CAMK2B: variants seen among roughly 807,000 people sequenced by gnomAD.
The protein encoded by CAMK2B is calcium/calmodulin-dependent protein kinase type II subunit beta.
Under a neutral mutation model 93.7 loss-of-function variants are expected in CAMK2B, and 27 were observed. The ratio of observed to expected loss-of-function variants is 0.29; its 90% CI spans 0.21 to 0.40. The LOEUF (loss-of-function observed/expected upper bound fraction) is 0.40. Ranked by LOEUF, CAMK2B falls within the 10% of genes least tolerant of loss-of-function variation. The pLI, the probability that CAMK2B is intolerant of heterozygous loss-of-function variation, is 1.00. For synonymous variants in CAMK2B, 374 were observed against 358.8 expected (o/e 1.04, Z -0.48); for missense variants, 568 against 895.8 (o/e 0.63, Z 4.67).
intron 2 of CAMK2B, among the ~76,000 whole-genome samples, chr7:44,274,688 C>T (rs2097015017): frequency 6.6e-6 from 1 of 152,268 alleles, no homozygotes; most frequent in Non-Finnish European, 1.5e-5. Context: ...AAGCAGGAGG[C>T]CTGCCCTTGC....
intron 2 of CAMK2B, among the ~76,000 whole-genome samples, chr7:44,283,329 A>C (rs562438326): frequency 6.6e-6 from 1 of 152,078 alleles, no homozygotes; most frequent in South Asian, 2.1e-4. Flanking sequence ...CCACAAGGGC[A>C]GGGAGACCCC....
intron 15 of CAMK2B, among the ~76,000 whole-genome samples, chr7:44,233,431 C>T (rs1356907732): frequency 1.3e-5 from 2 of 152,094 alleles, no homozygotes; most frequent in Non-Finnish European, 2.9e-5. Flanking sequence ...CTCCCAGGAC[C>T]GCTCTCCTCT....
At chr7:44,292,385 G>A (rs1337194774) in intron 1 of CAMK2B, among the ~76,000 whole-genome samples, 1 of 152,192 alleles carries the variant, frequency 6.6e-6, no homozygotes, top group Admixed American at 6.5e-5. Flanking sequence ...ATGAATTCTG[G>A]GGGATGCAGT....
intron 4 of CAMK2B, among the ~76,000 whole-genome samples, chr7:44,255,208 T>G (rs192742050): frequency 2.6e-5 from 4 of 152,266 alleles, no homozygotes; most frequent in Non-Finnish European, 4.4e-5. Flanking sequence ...AGAACAGAGA[T>G]GACAGGCAGA....
chr7:44,223,975 G>A (rs895605914), intron 20 of CAMK2B, among the ~76,000 whole-genome samples: 1 of 152,234 alleles, frequency 6.6e-6, no homozygotes, highest in African/African-American at 2.4e-5. Context: ...TTTCCAGTCT[G>A]CTTTGGTTCT....
intron 12 of CAMK2B, among the ~76,000 whole-genome samples, chr7:44,240,215 C>A (rs1160797834): frequency 3.9e-5 from 6 of 152,182 alleles, no homozygotes; most frequent in Non-Finnish European, 7.3e-5. Context: ...ACCCCCCTGC[C>A]AAGAGAACTT....
chr7:44,232,675 G>A (rs1468418727), intron 16 of CAMK2B, 147 bp downstream of exon 16: 2 of 759,016 alleles, frequency 2.6e-6, no homozygotes, highest in Non-Finnish European at 4.5e-6. Flanking sequence ...CCACGAAGAC[G>A]GACTGGGGCC....
intron 2 of CAMK2B, among the ~76,000 whole-genome samples, chr7:44,269,118 C>T (rs1273560815): frequency 6.6e-6 from 1 of 152,204 alleles, no homozygotes; most frequent in African/African-American, 2.4e-5. Flanking sequence ...GACATTCACA[C>T]CAACCCTGCT....
Position 44,281,972 on chromosome 7 carries a change from G to A in CAMK2B, c.160+2159C>T, listed in dbSNP as rs187759524. ...CCTCTCATTCTCCCAGCTCATCCTG[G>A]GCTGGTCCCAGCCTAACTGCCGGAG... On this transcript the variant is annotated intron_variant, in intron 2 of 23. Coordinates refer to ENST00000395749, the MANE Select transcript of CAMK2B (RefSeq NM_001220.5). Among the ~76,000 whole-genome samples, 7 of 152,272 alleles carry A rather than the reference G, an allele frequency of 4.6e-5. No individual in the cohort carries two copies. The East Asian group carries it at 1.4e-3, about 29-fold the overall frequency.
chr7:44,288,879 G>GCGAGGAGA (rs1427920492), intron 1 of CAMK2B, among the ~76,000 whole-genome samples: 2 of 152,160 alleles, frequency 1.3e-5, no homozygotes, highest in Non-Finnish European at 2.9e-5. Flanking sequence ...AAGGCCACCT[G>GCGAGGAGA]CGAGGAGAGG....
chr7:44,309,026 G>A (rs1792734558), intron 1 of CAMK2B, among the ~76,000 whole-genome samples: 1 of 152,234 alleles, frequency 6.6e-6, no homozygotes, highest in African/African-American at 2.4e-5. Context: ...GGTCTGGCTA[G>A]GCTGAAACGG....
chr7:44,291,305 C>A (rs933813670), intron 1 of CAMK2B, among the ~76,000 whole-genome samples: 2 of 152,186 alleles, frequency 1.3e-5, no homozygotes, highest in African/African-American at 2.4e-5. Flanking sequence ...CAGGCAGGAG[C>A]TGGAGTCCCC....
intron 3 of CAMK2B, among the ~76,000 whole-genome samples, chr7:44,260,301 A>G (rs917992304): frequency 2.6e-5 from 4 of 152,106 alleles, no homozygotes; most frequent in African/African-American, 9.7e-5. Flanking sequence ...GCCCAGCCTG[A>G]TAGCGTCCTT....
intron 1 of CAMK2B, among the ~76,000 whole-genome samples, chr7:44,295,809 T>C (rs1400810482): frequency 2.6e-5 from 4 of 152,148 alleles, no homozygotes; most frequent in Non-Finnish European, 5.9e-5. Context: ...AAACCTACCT[T>C]GGGGAAGGAA....
intron 2 of CAMK2B, among the ~76,000 whole-genome samples, chr7:44,273,026 C>T (rs2096989117): frequency 6.6e-6 from 1 of 152,180 alleles, no homozygotes; most frequent in Admixed American, 6.5e-5. Context: ...CCAGGAAGGC[C>T]CTGAACAGCC....
chr7:44,231,750 G>A (rs1238286091), intron 16 of CAMK2B, among the ~76,000 whole-genome samples: 1 of 152,216 alleles, frequency 6.6e-6, no homozygotes, highest in Non-Finnish European at 1.5e-5. Flanking sequence ...TGGCCTTAGA[G>A]GGCAGAGGTG....
intron 1 of CAMK2B, among the ~76,000 whole-genome samples, chr7:44,299,731 A>G (rs1205165282): frequency 6.6e-6 from 1 of 151,926 alleles, no homozygotes; most frequent in East Asian, 1.9e-4. Context: ...TCCTGAGAAA[A>G]CTCCTCATCT....
At chr7:44,273,291 C>T (rs2096992700) in intron 2 of CAMK2B, among the ~76,000 whole-genome samples, 1 of 152,192 alleles carries the variant, frequency 6.6e-6, no homozygotes, top group Non-Finnish European at 1.5e-5. Context: ...GCAGTATCCT[C>T]CTCTCTGGGC....
At chr7:44,307,437 G>A (rs191490244) in intron 1 of CAMK2B, among the ~76,000 whole-genome samples, 58 of 151,542 alleles carry the variant, frequency 3.8e-4, no homozygotes, top group Non-Finnish European at 6.6e-4. Context: ...GGGGGAGGAG[G>A]GTGTGAGCAG....
Sources: allele counts gnomAD v4.1 joint callset (sites outside exome capture counted in the v4.1 genomes callset), GRCh38; gene constraint gnomAD v4.1.1; transcripts MANE v1.5; gene names NCBI Gene and HGNC (gene_info 2026-07-23, HGNC 2026-07-21).